Variants in OSBPL6 observed in about 807,000 individuals in gnomAD.
OSBPL6 encodes the protein oxysterol-binding protein-related protein 6.
OSBPL6 carries 49 observed loss-of-function variants against 125.8 expected under a neutral mutation model. That is an observed-to-expected ratio of 0.39 (90% CI 0.31 to 0.49). The LOEUF is 0.49. Ranked by LOEUF, OSBPL6 falls within the 20% of genes least tolerant of loss-of-function variation. The pLI is 0.88. For synonymous variants in OSBPL6, 394 were observed against 391.8 expected (o/e 1.01, Z -0.07); for missense variants, 986 against 1,135.4 (o/e 0.87, Z 1.89).
Position 178,398,857 on chromosome 2 carries a change from A to C in OSBPL6, c.*3298A>C, listed in dbSNP as rs552829140. 1 of 152,278 alleles carries C rather than the reference A, an allele frequency of 6.6e-6. No homozygotes were observed. Among genetic ancestry groups the C allele is most frequent in the Non-Finnish European group, 1.5e-5 (1 of 68,024 alleles). The allele number at this position is 152,278 out of a possible 1,614,324, so 9.4% of individuals were successfully genotyped here. ...GCTTGGGGGCTGGATTTAGGGAGGAAAACCTGATTAAACTGTTTTGCTTAG... is the reference window on the plus strand; with the variant it reads ...GCTTGGGGGCTGGATTTAGGGAGGACAACCTGATTAAACTGTTTTGCTTAG... On this transcript the variant is annotated 3_prime_UTR_variant, in exon 25 of 25. Coordinates refer to ENST00000190611, the MANE Select transcript of OSBPL6 (RefSeq NM_032523.4).
chr2:178,335,702 A>G (rs1451829340), intron 8 of OSBPL6, among the ~76,000 whole-genome samples: 2 of 152,236 alleles, frequency 1.3e-5, no homozygotes, highest in African/African-American at 2.4e-5. Context: ...GCACCTTAGT[A>G]TCTATATACT....
intron 2 of OSBPL6, among the ~76,000 whole-genome samples, chr2:178,289,743 C>T (rs748718805): frequency 1.7e-4 from 26 of 152,188 alleles, no homozygotes; most frequent in Admixed American, 1.2e-3. Context: ...TTTCTCAAGT[C>T]ATTCACTTGT....
chr2:178,288,398 G>A (rs897382867), intron 2 of OSBPL6, among the ~76,000 whole-genome samples: 5 of 152,176 alleles, frequency 3.3e-5, no homozygotes, highest in African/African-American at 1.2e-4. Flanking sequence ...CAGAGAGAAG[G>A]GCTGTGCCCC....
chr2:178,393,547 A>G (rs1200389666), intron 23 of OSBPL6, among the ~76,000 whole-genome samples: 1 of 152,086 alleles, frequency 6.6e-6, no homozygotes, highest in Non-Finnish European at 1.5e-5. Context: ...CCACTATTTA[A>G]TTCTCTTCTA....
At chr2:178,247,697 T>C (rs2091544383) in intron 1 of OSBPL6, among the ~76,000 whole-genome samples, 1 of 152,144 alleles carries the variant, frequency 6.6e-6, no homozygotes, top group Admixed American at 6.5e-5. Flanking sequence ...TCCCTACTTG[T>C]AGCTGGTCCT....
At chr2:178,296,406 G>A (rs1256897481) in intron 2 of OSBPL6, among the ~76,000 whole-genome samples, 7 of 152,096 alleles carry the variant, frequency 4.6e-5, no homozygotes, top group African/African-American at 7.2e-5. Flanking sequence ...AGGAAATGGC[G>A]GTGTTGGGAC....
chr2:178,355,055 C>T (rs906229772), intron 12 of OSBPL6, among the ~76,000 whole-genome samples: 1 of 152,164 alleles, frequency 6.6e-6, no homozygotes, highest in African/African-American at 2.4e-5. Context: ...AAAGACACAA[C>T]TTACCAGAAT....
At chr2:178,251,764 C>T (rs1024164180) in intron 1 of OSBPL6, among the ~76,000 whole-genome samples, 1 of 152,202 alleles carries the variant, frequency 6.6e-6, no homozygotes, top group East Asian at 1.9e-4. Flanking sequence ...CTCATAGGCA[C>T]TGGCGCCAAA....
intron 8 of OSBPL6, 54 bp downstream of exon 8, chr2:178,333,095 A>G (rs1689370969): frequency 4.4e-6 from 7 of 1,598,872 alleles, no homozygotes; most frequent in South Asian, 1.1e-5. Context: ...AAATTATGCA[A>G]ATTTTGGCCA....
At chr2:178,241,653 C>T (rs333999) in intron 1 of OSBPL6, among the ~76,000 whole-genome samples, 24 of 151,634 alleles carry the variant, frequency 1.6e-4, no homozygotes, top group African/African-American at 5.8e-4. Context: ...TGACCTCAAG[C>T]GATTCGCCAA....
intron 1 of OSBPL6, among the ~76,000 whole-genome samples, chr2:178,222,419 C>G (rs995001469): frequency 1.3e-5 from 2 of 152,116 alleles, no homozygotes; most frequent in Non-Finnish European, 2.9e-5. Flanking sequence ...CCCAGGCGGG[C>G]GGATCACGAG....
At chr2:178,201,573 G>A (rs538764356) in intron 1 of OSBPL6, among the ~76,000 whole-genome samples, 1 of 152,238 alleles carries the variant, frequency 6.6e-6, no homozygotes, top group African/African-American at 2.4e-5. Context: ...CAATATCTAA[G>A]ACTTAACTAG....
intron 4 of OSBPL6, among the ~76,000 whole-genome samples, chr2:178,324,981 C>T (rs536410458): frequency 3.9e-5 from 6 of 152,280 alleles, no homozygotes; most frequent in East Asian, 3.9e-4. Context: ...GCAATGAGCT[C>T]GTGAGAGAAC....
At chr2:178,243,825 G>A (rs919042181) in intron 1 of OSBPL6, among the ~76,000 whole-genome samples, 2 of 151,976 alleles carry the variant, frequency 1.3e-5, no homozygotes, top group African/African-American at 4.8e-5. Context: ...GCTGATTTTT[G>A]TATTTTTAGT....
At chr2:178,389,940 T>G (rs1695259144) in intron 21 of OSBPL6, among the ~76,000 whole-genome samples, 1 of 152,212 alleles carries the variant, frequency 6.6e-6, no homozygotes, top group Non-Finnish European at 1.5e-5. Flanking sequence ...TGTATTTATT[T>G]TAATTGAGTG....
Position 178,362,434 on chromosome 2 carries a change from T to G in OSBPL6, c.1287+619T>G, listed in dbSNP as rs577127520. 7.2e-5 allele frequency among the ~76,000 whole-genome samples: 11 copies of G among 152,362 alleles called. No homozygotes were observed. The South Asian group carries it at 2.3e-3, about 32-fold the overall frequency. On this transcript the variant is annotated intron_variant, in intron 13 of 24. Transcript: ENST00000190611. ...GTTGAAATTTCTGATAAAAATCCTT[T>G]AGAGCTGTGCTTATGCTTTTTTCAA...
At chr2:178,212,898 C>T (rs926009986) in intron 1 of OSBPL6, among the ~76,000 whole-genome samples, 16 of 152,098 alleles carry the variant, frequency 1.1e-4, no homozygotes, top group African/African-American at 2.9e-4. Context: ...ACCTCCACCT[C>T]CCGGGTTCAA....
At position 178,222,058 on chromosome 2, in the gene OSBPL6, A is replaced by G. The variant is rs558881465; in HGVS notation, c.-351+27384A>G. ...AGAGGAATGAAGGAAGTCATCAACT[A>G]AAGAGTCACCTTTATGGAGACTGTA... On this transcript the variant is annotated intron_variant, in intron 1 of 24. Coordinates refer to ENST00000190611, the MANE Select transcript of OSBPL6 (RefSeq NM_032523.4). Among the ~76,000 whole-genome samples, 5 of 152,260 alleles carry G rather than the reference A, an allele frequency of 3.3e-5. No homozygotes were observed. In the East Asian group the frequency reaches 9.7e-4, roughly 29 times the overall value.
At chr2:178,383,466 C>CTTT (rs1227403332) in intron 17 of OSBPL6, among the ~76,000 whole-genome samples, 189 bp downstream of exon 17, 1 of 152,202 alleles carries the variant, frequency 6.6e-6, no homozygotes, top group African/African-American at 2.4e-5. Flanking sequence ...GGAAGACACA[C>CTTT]TTTTTGTGCC....
Sources: gnomAD v4.1 joint callset for allele counts (sites outside exome capture counted in the v4.1 genomes callset) on GRCh38, gnomAD v4.1.1 for gene constraint, MANE v1.5 for transcripts, NCBI Gene and HGNC (gene_info 2026-07-23, HGNC 2026-07-21) for gene names.